Variants in SORCS1 observed in about 807,000 individuals in gnomAD.
SORCS1 encodes the protein VPS10 domain-containing receptor SorCS1.
In SORCS1, 60 loss-of-function variants were observed where a neutral mutation model predicts 146.1. The observed-to-expected ratio is 0.41, with a 90% confidence interval of 0.33 to 0.51. The LOEUF (loss-of-function observed/expected upper bound fraction) is 0.51. Among genes scored for constraint, SORCS1 ranks in the 20% least tolerant of loss-of-function variants. The pLI, the probability that SORCS1 is intolerant of heterozygous loss-of-function variation, is 0.21. For missense variants in SORCS1, 1,352 were observed against 1,487.6 expected, an observed-to-expected ratio of 0.91 and a Z score of 1.50; for synonymous variants, 637 against 584.0, an observed-to-expected ratio of 1.09 and a Z score of -1.31.
At chr10:106,996,674 G>A (rs1347277760) in intron 1 of SORCS1, among the ~76,000 whole-genome samples, 1 of 152,152 alleles carries the variant, frequency 6.6e-6, no homozygotes, top group Non-Finnish European at 1.5e-5. Context: ...ATTTGCAAAT[G>A]AGGCATCCCA....
At chr10:107,162,995 T>C (rs531426334) in intron 1 of SORCS1, among the ~76,000 whole-genome samples, 2 of 152,338 alleles carry the variant, frequency 1.3e-5, no homozygotes, top group South Asian at 4.1e-4. Context: ...CAAAGCTGGT[T>C]CTCTACTATT....
chr10:107,071,859 A>G (rs915093175), intron 1 of SORCS1, among the ~76,000 whole-genome samples: 1 of 152,244 alleles, frequency 6.6e-6, no homozygotes, highest in African/African-American at 2.4e-5. Context: ...TGAAGATATT[A>G]CAGAGGAAGC....
At chr10:106,741,884 TTACACGGACAGCTCAGTG>T (rs1356853475) in intron 5 of SORCS1, among the ~76,000 whole-genome samples, 1 of 152,332 alleles carries the variant, frequency 6.6e-6, no homozygotes, top group African/African-American at 2.4e-5. Context: ...GTGTCAGTTT[TTACACGGACAGCTCAGTG>T]CCTGGCCTGT....
intron 24 of SORCS1, among the ~76,000 whole-genome samples, chr10:106,595,262 G>T (rs1845838665): frequency 1.3e-5 from 2 of 152,292 alleles, no homozygotes; most frequent in South Asian, 4.1e-4. Context: ...CCCCTATGTT[G>T]ACAACATTGC....
At chr10:106,657,625 A>C (rs192101427) in intron 17 of SORCS1, among the ~76,000 whole-genome samples, 2 of 147,486 alleles carry the variant, frequency 1.4e-5, no homozygotes, top group Non-Finnish European at 3.0e-5. Flanking sequence ...TATATAATAA[A>C]TATATATTAT....
intron 1 of SORCS1, among the ~76,000 whole-genome samples, chr10:107,150,270 G>C (rs1293357996): frequency 6.6e-6 from 1 of 152,182 alleles, no homozygotes; most frequent in African/African-American, 2.4e-5. Flanking sequence ...TAAAAATTCA[G>C]AACAGCATAA....
At chr10:107,058,918 C>T (rs149542158) in intron 1 of SORCS1, among the ~76,000 whole-genome samples, 180 of 152,212 alleles carry the variant, frequency 1.2e-3, no homozygotes, top group African/African-American at 3.5e-3. Flanking sequence ...AAGGTAAACA[C>T]AATTTTGCAA....
At chr10:107,091,063 G>A (rs1021635017) in intron 1 of SORCS1, among the ~76,000 whole-genome samples, 13 of 152,300 alleles carry the variant, frequency 8.5e-5, no homozygotes, top group Admixed American at 3.3e-4. Flanking sequence ...AAGTAAAAGC[G>A]AGGGAGACCC....
intron 2 of SORCS1, among the ~76,000 whole-genome samples, chr10:106,900,761 G>A (rs911949227): frequency 1.3e-5 from 2 of 152,014 alleles, no homozygotes; most frequent in Admixed American, 6.6e-5. Context: ...GGTTGAACTC[G>A]ACTAAGACAG....
intron 3 of SORCS1, among the ~76,000 whole-genome samples, chr10:106,789,591 A>G (rs1288636379): frequency 2.0e-5 from 3 of 152,202 alleles, no homozygotes; most frequent in South Asian, 4.1e-4. Context: ...CCTCATCTCT[A>G]TCTGAAACCA....
At chr10:106,710,284 TA>T (rs1382371113) in intron 6 of SORCS1, among the ~76,000 whole-genome samples, 1 of 151,908 alleles carries the variant, frequency 6.6e-6, no homozygotes, top group Non-Finnish European at 1.5e-5. Context: ...CCGTCTCTAC[TA>T]AAAATACAAA....
intron 9 of SORCS1, among the ~76,000 whole-genome samples, chr10:106,688,611 C>T (rs1252859855): frequency 2.6e-5 from 4 of 152,058 alleles, no homozygotes; most frequent in South Asian, 2.1e-4. Flanking sequence ...GACAGGAGCC[C>T]GCAGTTGCCA....
chr10:106,969,481 G>A (rs546310011), intron 1 of SORCS1, among the ~76,000 whole-genome samples: 1 of 152,288 alleles, frequency 6.6e-6, no homozygotes, highest in South Asian at 2.1e-4. Context: ...ACTGGATTGG[G>A]CCAGTTCTGA....
chr10:106,583,805 G>A (rs879754297), intron 24 of SORCS1, among the ~76,000 whole-genome samples: 13 of 151,844 alleles, frequency 8.6e-5, no homozygotes, highest in South Asian at 4.2e-4. Context: ...CATTGCACCC[G>A]GTCCCCCTTG....
chr10:107,137,833 G>C (rs912830003), intron 1 of SORCS1, among the ~76,000 whole-genome samples: 1 of 148,818 alleles, frequency 6.7e-6, no homozygotes, highest in Non-Finnish European at 1.5e-5. Flanking sequence ...TTGCACTCCA[G>C]CCTGGGCAAC....
chr10:107,014,658 C>T (rs1365144930), intron 1 of SORCS1, among the ~76,000 whole-genome samples: 2 of 152,072 alleles, frequency 1.3e-5, no homozygotes, highest in Non-Finnish European at 2.9e-5. Flanking sequence ...TGGTCCAATA[C>T]CAAAATTTAA....
At chr10:106,889,658 G>T (rs1210905765) in intron 2 of SORCS1, among the ~76,000 whole-genome samples, 1 of 152,022 alleles carries the variant, frequency 6.6e-6, no homozygotes, top group Non-Finnish European at 1.5e-5. Context: ...CCAGCACTTT[G>T]GGAGGCCAAG....
chr10:106,827,131 T>C (rs1037227425), intron 3 of SORCS1, among the ~76,000 whole-genome samples: 1 of 151,738 alleles, frequency 6.6e-6, no homozygotes, highest in Non-Finnish European at 1.5e-5. Context: ...CCTGAAACAA[T>C]CCTGGAGTTT....
At chr10:107,144,924 GA>G (rs958728817) in intron 1 of SORCS1, among the ~76,000 whole-genome samples, 2 of 151,834 alleles carry the variant, frequency 1.3e-5, no homozygotes, top group Non-Finnish European at 2.9e-5. Flanking sequence ...TTAAAAAGGG[GA>G]AAAAAAAGAA....
Sources: gnomAD v4.1 joint callset for allele counts (sites outside exome capture counted in the v4.1 genomes callset) on GRCh38, gnomAD v4.1.1 for gene constraint, MANE v1.5 for transcripts, NCBI Gene and HGNC (gene_info 2026-07-23, HGNC 2026-07-21) for gene names.